The following ERC1 variants were observed in gnomAD, a reference collection of about 807,000 sequenced individuals.
The protein encoded by ERC1 is RAB6 interacting protein 2.
Under a neutral mutation model 132.0 loss-of-function variants are expected in ERC1, and 56 were observed. That is an observed-to-expected ratio of 0.42 (90% CI 0.34 to 0.53). The LOEUF (loss-of-function observed/expected upper bound fraction) is 0.53. Among genes scored for constraint, ERC1 ranks in the 20% least tolerant of loss-of-function variants. The pLI, the probability that ERC1 is intolerant of heterozygous loss-of-function variation, is 0.03. For synonymous variants in ERC1, 478 were observed against 476.1 expected, an observed-to-expected ratio of 1.00 and a Z score of -0.05; for missense variants, 1,202 against 1,349.9, an observed-to-expected ratio of 0.89 and a Z score of 1.72.
chr12:1,167,812 G>A (rs1414497903), intron 8 of ERC1, among the ~76,000 whole-genome samples: 2 of 151,526 alleles, frequency 1.3e-5, no homozygotes, highest in Non-Finnish European at 2.9e-5. Context: ...CGCCTCCTGG[G>A]TTCCAGCAGT....
intron 12 of ERC1, among the ~76,000 whole-genome samples, chr12:1,205,484 G>A (rs979597980): frequency 6.6e-6 from 1 of 150,660 alleles, no homozygotes; most frequent in Admixed American, 6.6e-5. Flanking sequence ...CTAGCATATG[G>A]GTTACACTGG....
chr12:1,198,137 A>T (rs1472986889), intron 12 of ERC1, among the ~76,000 whole-genome samples: 2 of 152,224 alleles, frequency 1.3e-5, no homozygotes, highest in Non-Finnish European at 1.5e-5. Context: ...CAGATAGCCT[A>T]GGCTGGTCTC....
chr12:1,069,947 G>A (rs906893008), intron 2 of ERC1, among the ~76,000 whole-genome samples: 3 of 152,140 alleles, frequency 2.0e-5, no homozygotes, highest in African/African-American at 7.2e-5. Flanking sequence ...TACATGTATC[G>A]ATGTGGATAA....
rs2094334647 is a variant in ERC1, at chr12:1,493,532, A to AG, written c.*3302_*3303insG. The AG allele has an allele frequency of 2.5e-5, 1 of 40,314 alleles. No individual in the cohort carries two copies. Among genetic ancestry groups the AG allele is most frequent in the Non-Finnish European group, 4.4e-5 (1 of 22,744 alleles). The allele number at this position is 40,314 out of a possible 1,614,324, so 2.5% of individuals were successfully genotyped here. On this transcript the variant is annotated 3_prime_UTR_variant, in exon 19 of 19. Transcript: ENST00000360905. ...AGCCTGGGTGACAGAGACTCCATTT[A>AG]AAAAAAAAAAAAAAAAATATATATA...
At chr12:1,365,871 G>A (rs953014472) in intron 15 of ERC1, among the ~76,000 whole-genome samples, 6 of 152,170 alleles carry the variant, frequency 3.9e-5, no homozygotes, top group East Asian at 1.9e-4. Context: ...TGTGGGTGTG[G>A]TGGAATATTA....
chr12:1,047,354 A>G (rs963644164), intron 2 of ERC1, among the ~76,000 whole-genome samples: 2 of 152,188 alleles, frequency 1.3e-5, no homozygotes, highest in African/African-American at 4.8e-5. Flanking sequence ...AAAAATTGTT[A>G]AATGGCTTTT....
At chr12:1,338,668 A>G (rs1309340213) in intron 15 of ERC1, among the ~76,000 whole-genome samples, 1 of 151,834 alleles carries the variant, frequency 6.6e-6, no homozygotes, top group African/African-American at 2.4e-5. Flanking sequence ...TTTCTGGGGT[A>G]ATGTTTGTTC....
chr12:1,277,274 A>G (rs2078339435), intron 14 of ERC1, among the ~76,000 whole-genome samples: 3 of 152,250 alleles, frequency 2.0e-5, no homozygotes, highest in African/African-American at 7.2e-5. Context: ...AACATGTAAT[A>G]ATTCAAAACA....
intron 2 of ERC1, among the ~76,000 whole-genome samples, chr12:1,071,446 T>C (rs754158970): frequency 2.0e-5 from 3 of 152,176 alleles, no homozygotes; most frequent in Admixed American, 6.5e-5. Flanking sequence ...TGCTTATTGG[T>C]TAGTTAGTTC....
intron 1 of ERC1, among the ~76,000 whole-genome samples, chr12:997,990 A>G (rs1322513746): frequency 6.6e-6 from 1 of 152,206 alleles, no homozygotes; most frequent in Non-Finnish European, 1.5e-5. Flanking sequence ...GCTTGTTATC[A>G]TCATTTAAAC....
At chr12:1,464,541 A>G (rs1428719240) in intron 18 of ERC1, among the ~76,000 whole-genome samples, 4 of 103,978 alleles carry the variant, frequency 3.8e-5, no homozygotes, top group Non-Finnish European at 7.4e-5. Flanking sequence ...TTTTTTTGAG[A>G]CAGAGTTTCG....
At chr12:1,486,266 A>G (rs12423690) in intron 18 of ERC1, among the ~76,000 whole-genome samples, 26,695 of 152,246 alleles carry the variant, frequency 0.18, 4,224 homozygotes, top group East Asian at 0.73. Context: ...TTATACACAC[A>G]AATACACACA....
chr12:1,203,942 T>C (rs1430840003), intron 12 of ERC1: 3 of 152,544 alleles, frequency 2.0e-5, no homozygotes. Context: ...GTACTAGTTG[T>C]TATTAGGAGA....
intron 12 of ERC1, among the ~76,000 whole-genome samples, chr12:1,199,676 G>A (rs987919891): frequency 6.6e-6 from 1 of 151,976 alleles, no homozygotes; most frequent in African/African-American, 2.4e-5. Context: ...TATTTGGTAG[G>A]CTGAGGCACA....
intron 8 of ERC1, among the ~76,000 whole-genome samples, chr12:1,180,230 C>G (rs1190820880): frequency 6.6e-6 from 1 of 151,446 alleles, no homozygotes; most frequent in Non-Finnish European, 1.5e-5. Context: ...TTTCTGCTAG[C>G]TACTTTTCTT....
chr12:1,405,146 T>TATAA (rs60222703), intron 16 of ERC1, among the ~76,000 whole-genome samples: 28,715 of 142,046 alleles, frequency 0.2, 3,181 homozygotes, highest in South Asian at 0.26. Flanking sequence ...GCTCAAAAAA[T>TATAA]ATAAATAAAT....
At chr12:1,046,340 T>TAG (rs1239026797) in intron 2 of ERC1, among the ~76,000 whole-genome samples, 1 of 152,220 alleles carries the variant, frequency 6.6e-6, no homozygotes, top group East Asian at 1.9e-4. Flanking sequence ...CACCACATTA[T>TAG]AGCCAAATCC....
At chr12:1,322,102 G>C (rs1351945292) in intron 15 of ERC1, among the ~76,000 whole-genome samples, 1 of 143,918 alleles carries the variant, frequency 6.9e-6, no homozygotes, top group Admixed American at 6.8e-5. Flanking sequence ...ATAGTAGATT[G>C]AATAAGTGTC....
chr12:1,063,289 A>G (rs1390225160), intron 2 of ERC1, among the ~76,000 whole-genome samples: 2 of 147,778 alleles, frequency 1.4e-5, no homozygotes, highest in African/African-American at 5.1e-5. Flanking sequence ...GAGATGGAAT[A>G]TTGCTCTGTC....
Sources: allele counts gnomAD v4.1 joint callset (sites outside exome capture counted in the v4.1 genomes callset), GRCh38; gene constraint gnomAD v4.1.1; transcripts MANE v1.5; gene names NCBI Gene and HGNC (gene_info 2026-07-23, HGNC 2026-07-21).